UNC5C: variants seen among roughly 807,000 people sequenced by gnomAD.
UNC5C encodes netrin receptor UNC5C.
In UNC5C, 47 loss-of-function variants were observed where a neutral mutation model predicts 99.8. The observed-to-expected ratio is 0.47, with a 90% CI of 0.37 to 0.60. UNC5C has a LOEUF of 0.60. Among genes scored for constraint, UNC5C ranks in the 20% least tolerant of loss-of-function variants. The pLI is 0.00. For synonymous variants in UNC5C, 487 were observed against 452.2 expected (o/e 1.08, Z -0.98); for missense variants, 1,062 against 1,165.9 (o/e 0.91, Z 1.30).
At chr4:95,340,086 C>A (rs1743507024) in intron 1 of UNC5C, among the ~76,000 whole-genome samples, 2 of 151,884 alleles carry the variant, frequency 1.3e-5, no homozygotes, top group Admixed American at 1.3e-4. Flanking sequence ...GAAGAGAAAG[C>A]TTTTCACCAT....
chr4:95,245,183 T>C lies in UNC5C; in HGVS notation c.776-39A>G, dbSNP rs370349832. On this transcript the variant is annotated intron_variant, in intron 5 of 15. Coordinates refer to ENST00000453304, the MANE Select transcript of UNC5C (RefSeq NM_003728.4). The stretch of plus-strand genomic sequence containing the variant: ...AACAGTAAAAAGTGGATTAAACATG[T>C]GTGCATGCACAACACACATGGACAC... 4.1e-5 allele frequency: 66 copies of C among 1,596,138 alleles called. 1 individual carries two copies. The highest frequency in any genetic ancestry group is 3.4e-4 in the Admixed American group (19 of 56,346).
At position 95,185,086 on chromosome 4, in the gene UNC5C, G is replaced by A. The variant is rs944045388; in HGVS notation, c.2247C>T (p.Ala749=). Residue 749 remains alanine, a synonymous_variant, in exon 13 of 16, where the codon GCC becomes GCT. Coordinates refer to ENST00000453304, the MANE Select transcript of UNC5C (RefSeq NM_003728.4). ...HNLRLSIHDI[A]HSLWKSKLLA... ...GCAATTTGCTCTTCCAGAGGGAATGGGCGATATCGTGAATTGACAGGCGCA... is the reference window on the plus strand; with the variant it reads ...GCAATTTGCTCTTCCAGAGGGAATGAGCGATATCGTGAATTGACAGGCGCA... 6.2e-7 allele frequency: 1 copy of A among 1,613,792 alleles called. No homozygotes were observed. The highest frequency in any genetic ancestry group is 1.7e-4 in the Middle Eastern group (1 of 6,060).
chr4:95,221,691 G>C (rs969565411), intron 7 of UNC5C, among the ~76,000 whole-genome samples: 2 of 152,122 alleles, frequency 1.3e-5, no homozygotes, highest in Non-Finnish European at 2.9e-5. Flanking sequence ...ATTTTCTTCA[G>C]AAAACCAGTG....
At chr4:95,365,591 C>A (rs1459212316) in intron 1 of UNC5C, among the ~76,000 whole-genome samples, 1 of 151,770 alleles carries the variant, frequency 6.6e-6, no homozygotes, top group African/African-American at 2.4e-5. Context: ...AATGTTATTT[C>A]TAATGGCTCA....
chr4:95,295,894 G>T (rs1435662316), intron 3 of UNC5C, among the ~76,000 whole-genome samples: 1 of 152,122 alleles, frequency 6.6e-6, no homozygotes, highest in African/African-American at 2.4e-5. Flanking sequence ...AGACCAGCCT[G>T]GGCAACATGG....
At chr4:95,232,333 T>G (rs1738944998) in intron 7 of UNC5C, among the ~76,000 whole-genome samples, 1 of 151,786 alleles carries the variant, frequency 6.6e-6, no homozygotes, top group East Asian at 1.9e-4. Flanking sequence ...CCGTCAATGC[T>G]TCTTAGAAAA....
chr4:95,371,641 C>T (rs1177622390), intron 1 of UNC5C, among the ~76,000 whole-genome samples: 1 of 152,036 alleles, frequency 6.6e-6, no homozygotes, highest in Non-Finnish European at 1.5e-5. Flanking sequence ...GAATCGCCAG[C>T]TTCAAAGTAT....
chr4:95,492,279 T>C (rs1305207418), intron 1 of UNC5C, among the ~76,000 whole-genome samples: 1 of 151,494 alleles, frequency 6.6e-6, no homozygotes, highest in Non-Finnish European at 1.5e-5. Flanking sequence ...ACTCTTTATA[T>C]GTGTTTGCTT....
At chr4:95,497,501 T>C (rs1721661040) in intron 1 of UNC5C, among the ~76,000 whole-genome samples, 1 of 151,970 alleles carries the variant, frequency 6.6e-6, no homozygotes. Flanking sequence ...TAGCAGACAC[T>C]ATAGGGCAAT....
intron 7 of UNC5C, among the ~76,000 whole-genome samples, chr4:95,233,734 G>C (rs186871920): frequency 6.6e-6 from 1 of 152,062 alleles, no homozygotes; most frequent in African/African-American, 2.4e-5. Context: ...TCAGGAGTTC[G>C]AGACCAGCCT....
chr4:95,184,091 G>T (rs1313876870), intron 13 of UNC5C, among the ~76,000 whole-genome samples: 2 of 152,182 alleles, frequency 1.3e-5, no homozygotes, highest in African/African-American at 4.8e-5. Context: ...ACAGAGGAAA[G>T]AAGAAAGCAA....
intron 1 of UNC5C, among the ~76,000 whole-genome samples, chr4:95,507,418 G>T (rs1721954029): frequency 6.6e-6 from 1 of 151,850 alleles, no homozygotes; most frequent in Non-Finnish European, 1.5e-5. Flanking sequence ...CCTCTTCCTG[G>T]TTCTCTTTTT....
chr4:95,179,972 A>G (rs545575775), intron 14 of UNC5C, among the ~76,000 whole-genome samples: 2 of 150,372 alleles, frequency 1.3e-5, no homozygotes, highest in East Asian at 3.9e-4. Context: ...GATTGATGAT[A>G]GAAAGAAAAT....
In UNC5C at chr4:95,178,951, T is replaced by C. The variant is rs1433493056; in HGVS notation, c.2451+3946A>G. ...CTTGAAAGTTAAAGTAAAATACGTT[T>C]ATACATTTACATTTCATCTAGTAAT... On this transcript the variant is annotated intron_variant, in intron 14 of 15. Coordinates refer to ENST00000453304, the MANE Select transcript of UNC5C (RefSeq NM_003728.4). Among the ~76,000 whole-genome samples the C allele has an allele frequency of 2.6e-5, 4 of 152,366 alleles. No individual in the cohort carries two copies. In the South Asian group the frequency reaches 6.2e-4, roughly 24 times the overall value.
At chr4:95,266,664 A>G (rs1293640003) in intron 4 of UNC5C, among the ~76,000 whole-genome samples, 2 of 152,138 alleles carry the variant, frequency 1.3e-5, no homozygotes, top group African/African-American at 4.8e-5. Flanking sequence ...CAAAACAAGG[A>G]GATCATTTTT....
chr4:95,353,252 G>T (rs1183023106), intron 1 of UNC5C, among the ~76,000 whole-genome samples: 1 of 151,966 alleles, frequency 6.6e-6, no homozygotes, highest in Non-Finnish European at 1.5e-5. Context: ...ACCTAAGCGG[G>T]TTCTAAAACT....
chr4:95,505,807 A>G (rs1388588578), intron 1 of UNC5C, among the ~76,000 whole-genome samples: 1 of 152,048 alleles, frequency 6.6e-6, no homozygotes, highest in Non-Finnish European at 1.5e-5. Context: ...GGCAAACACC[A>G]TAGTTTCTGA....
In UNC5C at chr4:95,356,205, A is replaced by C. The variant is rs1482740179; in HGVS notation, c.125-20574T>G. Among the ~76,000 whole-genome samples the C allele has an allele frequency of 3.2e-4, 45 of 140,064 alleles. 1 individual carries two copies. Among genetic ancestry groups the C allele is most frequent in the South Asian group, 1.2e-3 (5 of 4,324 alleles). 91.9% of individuals were successfully genotyped at this position (140,064 alleles called of 152,430 possible). A position where few individuals can be genotyped will look rare whatever the true frequency, so the allele number is the denominator to read the frequency against. On this transcript the variant is annotated intron_variant, in intron 1 of 15. Transcript: ENST00000453304. ...GAAGACCCTGTAGCAAAAAAAAAAA[A>C]AAAAAAACAAAACAAAAAAAAAACA...
chr4:95,218,465 T>C (rs530949516), intron 9 of UNC5C, among the ~76,000 whole-genome samples: 1 of 152,314 alleles, frequency 6.6e-6, no homozygotes, highest in Non-Finnish European at 1.5e-5. Context: ...GTGTACACTA[T>C]CAATACTGTG....
Sources: gnomAD v4.1 joint callset for allele counts (sites outside exome capture counted in the v4.1 genomes callset) on GRCh38, gnomAD v4.1.1 for gene constraint, MANE v1.5 for transcripts, NCBI Gene and HGNC (gene_info 2026-07-23, HGNC 2026-07-21) for gene names.